NCKAP5: variants seen among roughly 807,000 people sequenced by gnomAD.
NCKAP5 encodes NCK associated protein 5.
NCKAP5 carries 92 observed loss-of-function variants against 167.0 expected under a neutral mutation model. The ratio of observed to expected loss-of-function variants is 0.55; its 90% CI spans 0.47 to 0.66. NCKAP5 has a LOEUF of 0.66. NCKAP5 is among the 30% of genes least tolerant of loss of function. The pLI, the probability that NCKAP5 is intolerant of heterozygous loss-of-function variation, is 0.00. For missense variants in NCKAP5, 2,378 were observed against 2,315.0 expected, an observed-to-expected ratio of 1.03 and a Z score of -0.56; for synonymous variants, 891 against 877.4, an observed-to-expected ratio of 1.02 and a Z score of -0.27.
At chr2:133,049,293 C>T (rs2079517881) in intron 6 of NCKAP5, among the ~76,000 whole-genome samples, 3 of 152,120 alleles carry the variant, frequency 2.0e-5, no homozygotes, top group African/African-American at 7.2e-5. Context: ...CACCTGTAAT[C>T]CCAACACTTT....
intron 6 of NCKAP5, among the ~76,000 whole-genome samples, chr2:133,041,557 C>T (rs927039095): frequency 1.3e-5 from 2 of 152,050 alleles, no homozygotes; most frequent in African/African-American, 4.8e-5. Flanking sequence ...TTGCATATAG[C>T]ATTGATGTGG....
intron 3 of NCKAP5, among the ~76,000 whole-genome samples, chr2:133,412,939 TA>T (rs1417932547): frequency 1.3e-5 from 2 of 152,364 alleles, no homozygotes; most frequent in Admixed American, 1.3e-4. Flanking sequence ...TACAATGGTT[TA>T]CCTTCTGCAG....
chr2:133,498,476 A>AGGCAGGC (rs1575063591), intron 3 of NCKAP5, among the ~76,000 whole-genome samples: 12 of 118,438 alleles, frequency 1.0e-4, no homozygotes, highest in Middle Eastern at 3.9e-3. Flanking sequence ...GGAAGGAAGG[A>AGGCAGGC]AGGAAGGCAG....
At position 133,460,371 on chromosome 2, in the gene NCKAP5, C is replaced by G. The variant is rs543698194; in HGVS notation, c.69+57087G>C. ...GGCAGAATAAATCTTAAGAAGAAGGCCAATATATTTTAATTTTATGCATAT... is the reference window on the plus strand; with the variant it reads ...GGCAGAATAAATCTTAAGAAGAAGGGCAATATATTTTAATTTTATGCATAT... On this transcript the variant is annotated intron_variant, in intron 3 of 19. Transcript: ENST00000409261. Among the ~76,000 whole-genome samples, 181 of 152,182 alleles carry G rather than the reference C, an allele frequency of 1.2e-3. 1 individual carries two copies. Among genetic ancestry groups the G allele is most frequent in the Non-Finnish European group, 1.8e-3 (124 of 67,992 alleles).
At chr2:132,875,692 C>T (rs1335682665) in intron 9 of NCKAP5, among the ~76,000 whole-genome samples, 2 of 152,226 alleles carry the variant, frequency 1.3e-5, no homozygotes, top group Non-Finnish European at 2.9e-5. Flanking sequence ...CAAGTCATTG[C>T]TCACCACTAA....
chr2:132,691,326 A>C (rs1359710823), intron 19 of NCKAP5, among the ~76,000 whole-genome samples: 1 of 152,110 alleles, frequency 6.6e-6, no homozygotes, highest in East Asian at 1.9e-4. Flanking sequence ...AAAACTCCTC[A>C]GATGGTTTCC....
At chr2:133,227,637 C>T (rs2086954474) in intron 4 of NCKAP5, among the ~76,000 whole-genome samples, 1 of 152,204 alleles carries the variant, frequency 6.6e-6, no homozygotes, top group Non-Finnish European at 1.5e-5. Context: ...AAATAGCCTT[C>T]TCTAAAGCAT....
intron 8 of NCKAP5, among the ~76,000 whole-genome samples, chr2:132,911,479 G>A (rs1025725988): frequency 1.3e-5 from 2 of 152,090 alleles, no homozygotes; most frequent in African/African-American, 4.8e-5. Flanking sequence ...TGCCTCTCTT[G>A]TATCAGGTAA....
intron 6 of NCKAP5, among the ~76,000 whole-genome samples, chr2:133,078,087 G>C (rs1464274879): frequency 6.6e-6 from 1 of 152,166 alleles, no homozygotes; most frequent in African/African-American, 2.4e-5. Context: ...TGTAAAATGA[G>C]AGGGCTGTCC....
At chr2:133,466,306 G>T (rs905306460) in intron 3 of NCKAP5, among the ~76,000 whole-genome samples, 4 of 148,582 alleles carry the variant, frequency 2.7e-5, no homozygotes, top group South Asian at 2.2e-4. Context: ...GTTTGTCAAA[G>T]ATCAGATAGT....
the NCKAP5 span, among the ~76,000 whole-genome samples, chr2:133,671,401 C>A: frequency 6.6e-6 from 1 of 151,942 alleles, no homozygotes; most frequent in East Asian, 1.9e-4. Context: ...AAAGGTGGAG[C>A]CTTTAAGAGG....
intron 6 of NCKAP5, among the ~76,000 whole-genome samples, chr2:133,076,309 G>A (rs932473832): frequency 5.9e-5 from 9 of 152,128 alleles, no homozygotes; most frequent in African/African-American, 1.9e-4. Flanking sequence ...GGAACTCATG[G>A]ATATAGAGGG....
intron 3 of NCKAP5, among the ~76,000 whole-genome samples, chr2:133,441,183 G>C (rs566368715): frequency 6.6e-6 from 1 of 152,102 alleles, no homozygotes; most frequent in African/African-American, 2.4e-5. Flanking sequence ...TCATATGTGT[G>C]CTAATTGTAG....
chr2:133,034,304 C>T (rs1010975230), intron 6 of NCKAP5, among the ~76,000 whole-genome samples: 6 of 152,068 alleles, frequency 3.9e-5, no homozygotes, highest in African/African-American at 1.4e-4. Flanking sequence ...TAAAGATGTT[C>T]CCAGACAAAC....
chr2:133,048,406 G>A (rs1442432522), intron 6 of NCKAP5, among the ~76,000 whole-genome samples: 1 of 152,120 alleles, frequency 6.6e-6, no homozygotes, highest in African/African-American at 2.4e-5. Flanking sequence ...AAACAAAAAG[G>A]GTTCACCTTT....
At chr2:132,984,417 G>A (rs1477877541) in intron 7 of NCKAP5, among the ~76,000 whole-genome samples, 1 of 152,118 alleles carries the variant, frequency 6.6e-6, no homozygotes, top group Non-Finnish European at 1.5e-5. Context: ...AAGCTTCTAA[G>A]CCACAAAGGT....
intron 6 of NCKAP5, among the ~76,000 whole-genome samples, chr2:133,020,853 G>A (rs767036440): frequency 2.0e-5 from 3 of 152,156 alleles, no homozygotes; most frequent in African/African-American, 4.8e-5. Flanking sequence ...ATCACCAAAC[G>A]GACAAGGGGA....
chr2:132,693,394 G>A (rs532437367), intron 19 of NCKAP5, among the ~76,000 whole-genome samples: 20 of 152,180 alleles, frequency 1.3e-4, no homozygotes, highest in African/African-American at 3.9e-4. Context: ...AGACATGCAC[G>A]GAGGAAAGAT....
chr2:133,189,387 C>G (rs990852552), intron 5 of NCKAP5, among the ~76,000 whole-genome samples: 8 of 152,168 alleles, frequency 5.3e-5, no homozygotes, highest in African/African-American at 1.9e-4. Context: ...CCTTCTGAAA[C>G]TATTCCAATC....
Sources: allele counts gnomAD v4.1 joint callset (sites outside exome capture counted in the v4.1 genomes callset), GRCh38; gene constraint gnomAD v4.1.1; transcripts MANE v1.5; gene names NCBI Gene and HGNC (gene_info 2026-07-23, HGNC 2026-07-21).